Variants in DPEP1 observed in about 807,000 individuals in gnomAD.
DPEP1 encodes dipeptidase 1, also known as beta-lactamase.
DPEP1 carries 50 observed loss-of-function variants against 42.3 expected under a neutral mutation model. That is an observed-to-expected ratio of 1.18 (90% CI 0.94 to 1.50). DPEP1 has a LOEUF of 1.50. DPEP1 is among the 40% of genes most tolerant of loss of function. The pLI, the probability that DPEP1 is intolerant of heterozygous loss-of-function variation, is 0.00. For synonymous variants in DPEP1, 297 were observed against 234.0 expected (o/e 1.27, Z -2.46); for missense variants, 663 against 553.0 (o/e 1.20, Z -1.99).
intron 1 of DPEP1, among the ~76,000 whole-genome samples, chr16:89,618,586 C>G (rs1025205255): frequency 6.6e-6 from 1 of 152,028 alleles, no homozygotes; most frequent in African/African-American, 2.4e-5. Flanking sequence ...GGAGTGCAGC[C>G]TCAAGCTCCG....
intron 4 of DPEP1, 26 bp downstream of exon 4, chr16:89,636,422 G>C: frequency 6.2e-7 from 1 of 1,604,038 alleles, no homozygotes; most frequent in Non-Finnish European, 8.5e-7. Context: ...GGGTCCTCCA[G>C]GTCCTGCGTC....
chr16:89,620,022 G>GC (rs1567981065), intron 1 of DPEP1, among the ~76,000 whole-genome samples: 2 of 146,530 alleles, frequency 1.4e-5, no homozygotes, highest in Non-Finnish European at 3.0e-5. Flanking sequence ...CACTGAGTAT[G>GC]CCCCCCTCCC....
At position 89,621,636 on chromosome 16, in the gene DPEP1, C is replaced by T. The variant is rs556389724; in HGVS notation, c.-107+7917C>T. Among the ~76,000 whole-genome samples, 246 of 152,346 alleles carry T rather than the reference C, an allele frequency of 1.6e-3. 1 individual carries two copies. The highest frequency in any genetic ancestry group is 5.7e-3 in the African/African-American group (236 of 41,576). On this transcript the variant is annotated intron_variant, in intron 1 of 10. Transcript: ENST00000690203. ...CCCATGGGTGGTCAGATGGGCCCCACGCTGAGTGTGGGCTCCCGTCCCTCG... is the reference window on the plus strand; with the variant it reads ...CCCATGGGTGGTCAGATGGGCCCCATGCTGAGTGTGGGCTCCCGTCCCTCG...
chr16:89,624,993 T>C lies in DPEP1; in HGVS notation c.-106-5312T>C, dbSNP rs1025819027. Among the ~76,000 whole-genome samples, 8 of 152,120 alleles carry C rather than the reference T, an allele frequency of 5.3e-5. 1 individual carries two copies. The highest frequency in any genetic ancestry group is 5.2e-4 in the Admixed American group (8 of 15,260). On this transcript the variant is annotated intron_variant, in intron 1 of 10. Transcript: ENST00000690203. The stretch of plus-strand genomic sequence containing the variant: ...AGCACTTTCCTTTCCATCTGGGACA[T>C]GGTGGTGGGGGCTGTACGAGAGCAG...
At chr16:89,616,836 G>T (rs151315663) in intron 1 of DPEP1, 2 of 251,370 alleles carry the variant, frequency 8.0e-6, no homozygotes, top group Non-Finnish European at 1.6e-5. Context: ...GCCAGGAAGC[G>T]GACAGGAAGT....
chr16:89,629,868 G>A (rs1005897571), intron 1 of DPEP1, among the ~76,000 whole-genome samples: 1 of 152,202 alleles, frequency 6.6e-6, no homozygotes, highest in African/African-American at 2.4e-5. Flanking sequence ...GCAGCTTCCT[G>A]GAACGCCCTA....
In DPEP1 at chr16:89,636,304, A is replaced by T; in HGVS notation, c.278A>T (p.Asp93Val). The T allele has an allele frequency of 6.2e-7, 1 of 1,611,938 alleles. No individual in the cohort carries two copies. Among genetic ancestry groups the T allele is most frequent in the Non-Finnish European group, 8.5e-7 (1 of 1,179,702 alleles). ...VYTPCDTQNK[D>V]AVRRTLEQMD... ...ACGCCCTGCGACACCCAGAACAAAG[A>T]CGCCGTGCGGAGGACGCTGGAGCAG... Residue 93 changes from aspartate (D) to valine (V), a missense_variant, in exon 4 of 11, where the codon GAC becomes GTC. By Grantham distance (152) the Asp-to-Val change is radical (BLOSUM62 -3). Transcript: ENST00000690203.
At position 89,636,320 on chromosome 16, in the gene DPEP1, G is replaced by T; in HGVS notation, c.294G>T (p.Thr98=). Reference sequence around the variant, plus strand: ...AGAACAAAGACGCCGTGCGGAGGACGCTGGAGCAGATGGACGTGGTCCACC... The same window carrying T: ...AGAACAAAGACGCCGTGCGGAGGACTCTGGAGCAGATGGACGTGGTCCACC... ...DTQNKDAVRR[T]LEQMDVVHRM... The change falls in exon 4 of 11, where the codon ACG becomes ACT. Residue 98 remains threonine, a synonymous_variant. Coordinates refer to ENST00000690203, the MANE Select transcript of DPEP1 (RefSeq NM_001389466.1). 6.2e-7 allele frequency: 1 copy of T among 1,612,464 alleles called. No homozygotes were observed.
At position 89,631,631 on chromosome 16, in the gene DPEP1, G is replaced by A. The variant is rs569630063; in HGVS notation, c.104+1117G>A. On this transcript the variant is annotated intron_variant, in intron 2 of 10. Transcript: ENST00000690203. ...AGCACTTTGGGAGGCCGAGGCGGGC[G>A]GATCACCTGAGGTCAGGAGCTCAAG... Among the ~76,000 whole-genome samples the A allele has an allele frequency of 1.2e-4, 18 of 152,290 alleles. No individual in the cohort carries two copies. The South Asian group carries it at 1.2e-3, about 11-fold the overall frequency.
At chr16:89,622,154 A>G (rs1338907743) in intron 1 of DPEP1, among the ~76,000 whole-genome samples, 1 of 152,102 alleles carries the variant, frequency 6.6e-6, no homozygotes, top group Non-Finnish European at 1.5e-5. Context: ...CACACTCTTC[A>G]CAGAGCACTG....
intron 1 of DPEP1, among the ~76,000 whole-genome samples, chr16:89,628,450 G>T (rs1039023243): frequency 6.7e-6 from 1 of 149,928 alleles, no homozygotes; most frequent in Non-Finnish European, 1.5e-5. Flanking sequence ...TAGAGACGGG[G>T]TTTCACCATG....
intron 2 of DPEP1, among the ~76,000 whole-genome samples, chr16:89,632,472 G>A (rs2059601794): frequency 1.3e-5 from 2 of 152,320 alleles, no homozygotes; most frequent in South Asian, 2.1e-4. Context: ...AAAAACGGGG[G>A]GTTTTAAAGT....
intron 1 of DPEP1, among the ~76,000 whole-genome samples, chr16:89,621,597 C>T (rs1047103647): frequency 1.3e-5 from 2 of 152,206 alleles, no homozygotes; most frequent in African/African-American, 2.4e-5. Context: ...TATTTGGGGG[C>T]CTCTGTGCCA....
At chr16:89,631,262 C>T (rs974621191) in intron 2 of DPEP1, among the ~76,000 whole-genome samples, 5 of 152,132 alleles carry the variant, frequency 3.3e-5, no homozygotes, top group Non-Finnish European at 7.4e-5. Context: ...GCTGGGGCAC[C>T]TGGGTCACCT....
At chr16:89,627,044 G>A (rs1305968803) in intron 1 of DPEP1, among the ~76,000 whole-genome samples, 6 of 147,106 alleles carry the variant, frequency 4.1e-5, no homozygotes, top group Admixed American at 6.8e-5. Context: ...GGCGGATCAC[G>A]AGGTCAGGAG....
intron 1 of DPEP1, among the ~76,000 whole-genome samples, chr16:89,629,498 G>A (rs756954924): frequency 1.6e-4 from 20 of 126,576 alleles, no homozygotes; most frequent in Admixed American, 8.6e-5. Context: ...CTTCCCTGCC[G>A]GGCTCCCCCC....
chr16:89,634,128 G>A (rs1396068735), intron 2 of DPEP1, among the ~76,000 whole-genome samples: 1 of 131,752 alleles, frequency 7.6e-6, no homozygotes, highest in Admixed American at 9.6e-5. Context: ...TCGCTCTGTC[G>A]CCCAGGCTGG....
chr16:89,620,117 G>A (rs542471482), intron 1 of DPEP1, among the ~76,000 whole-genome samples: 9 of 151,750 alleles, frequency 5.9e-5, no homozygotes, highest in African/African-American at 2.2e-4. Flanking sequence ...TCGAAAGCCC[G>A]TGTGGCTTTG....
intron 1 of DPEP1, among the ~76,000 whole-genome samples, chr16:89,623,534 T>C (rs2059471033): frequency 6.6e-6 from 1 of 152,100 alleles, no homozygotes; most frequent in Non-Finnish European, 1.5e-5. Flanking sequence ...GCATTCCGTT[T>C]GGTAAACCTC....
Sources: gnomAD v4.1 joint callset for allele counts (sites outside exome capture counted in the v4.1 genomes callset) on GRCh38, gnomAD v4.1.1 for gene constraint, MANE v1.5 for transcripts, NCBI Gene and HGNC (gene_info 2026-07-23, HGNC 2026-07-21) for gene names.